NAALADL1: variants seen among roughly 807,000 people sequenced by gnomAD.
The protein encoded by NAALADL1 is N-acetylated alpha-linked acidic dipeptidase like 1.
A neutral mutation model predicts 82.8 loss-of-function variants in NAALADL1; 77 were observed. The observed-to-expected ratio is 0.93, with a 90% CI of 0.77 to 1.12. The LOEUF is 1.12. Ranked by LOEUF, NAALADL1 falls within the 50% of genes most tolerant of loss-of-function variation. The pLI is 0.00. For missense variants in NAALADL1, 956 were observed against 964.0 expected, an observed-to-expected ratio of 0.99 and a Z score of 0.11; for synonymous variants, 358 against 399.2, an observed-to-expected ratio of 0.90 and a Z score of 1.23.
In NAALADL1 at chr11:65,054,496, A is replaced by T. The variant is rs755042483; in HGVS notation, c.846T>A (p.Pro282=). ...LANVSGFPPI[P]TQPIGFQDAR... is the part of the protein sequence containing the mutation. ...CATCCTGGAAGCCAATGGGCTGTGT[A>T]GGAATTGGGGGAAATCCGGAGACAT... The change falls in exon 5 of 18, where the codon CCT becomes CCA. Residue 282 remains proline (P), a synonymous_variant. Transcript: ENST00000358658. This position sits in a 1 kb window ranked among gnomAD's most constrained non-coding sequence, Gnocchi z 4.3. 5 of 1,614,124 alleles carry T rather than the reference A, an allele frequency of 3.1e-6. No individual in the cohort carries two copies. The highest frequency in any genetic ancestry group is 4.2e-6 in the Non-Finnish European group (5 of 1,180,014).
At chr11:65,048,438 G>C in intron 8 of NAALADL1, 53 bp from the exon 9 acceptor site, 1 of 1,594,292 alleles carries the variant, frequency 6.3e-7, no homozygotes, top group Non-Finnish European at 8.6e-7. Flanking sequence ...ATCCTAGGGT[G>C]CCTTAGGAGA....
chr11:65,054,463 G>A lies in NAALADL1; in HGVS notation c.879C>T (p.Asp293=). ...TQPIGFQDAR[D]LLCNLNGTLA... ...CCAGGGCACAAACTCACCAGAGCAG[G>A]TCTCTTGCATCCTGGAAGCCAATGG... The change falls in exon 5 of 18, where the codon GAC becomes GAT. Residue 293 remains aspartate (D), a synonymous_variant. Transcript: ENST00000358658. This position sits in a 1 kb window ranked among gnomAD's most constrained non-coding sequence, Gnocchi z 4.3. The A allele has an allele frequency of 6.2e-7, 1 of 1,614,114 alleles. No individual in the cohort carries two copies. The highest frequency in any genetic ancestry group is 8.5e-7 in the Non-Finnish European group (1 of 1,180,018).
intron 8 of NAALADL1, among the ~76,000 whole-genome samples, chr11:65,052,681 A>G (rs1279166511): frequency 1.3e-5 from 2 of 151,530 alleles, no homozygotes; most frequent in Non-Finnish European, 2.9e-5. Context: ...GCTTCCCACA[A>G]CCCTTGGACT....
In NAALADL1 at chr11:65,046,058, G is replaced by A. The variant is rs201911173; in HGVS notation, c.1912C>T (p.Arg638Cys). ...FEAEAAALGQ[R>C]ISTLQKGSPD... ...CTGCCCTTCTGCAGTGTTGATATGCGTTGGCCCAAGGCTGCAGCTTCTGCC... is the reference window on the plus strand; with the variant it reads ...CTGCCCTTCTGCAGTGTTGATATGCATTGGCCCAAGGCTGCAGCTTCTGCC... Residue 638 changes from arginine (R) to cysteine (C), a missense_variant, in exon 16 of 18, where the codon CGC (arginine) becomes TGC (cysteine). Transcript: ENST00000358658. 1.1e-4 allele frequency: 172 copies of A among 1,613,900 alleles called. No homozygotes were observed. Among genetic ancestry groups the A allele is most frequent in the Non-Finnish European group, 1.3e-4 (158 of 1,180,014 alleles).
rs377702094 is a variant in NAALADL1, at chr11:65,047,631, C to T, written c.1508+16G>A. On this transcript the variant is annotated intron_variant, in intron 12 of 17. Coordinates refer to ENST00000358658, the MANE Select transcript of NAALADL1 (RefSeq NM_005468.3). ...GGACCGCCTCGCTCCGGGCCCCCTT[C>T]TGTCCCTGGGCTTACCTGGGGACCA... The T allele has an allele frequency of 6.3e-7, 1 of 1,595,694 alleles. No individual in the cohort carries two copies. The highest frequency in any genetic ancestry group is 8.5e-7 in the Non-Finnish European group (1 of 1,172,360).
In NAALADL1 at chr11:65,053,611, C is replaced by T. The variant is rs2137014714; in HGVS notation, c.993-35G>A. 6.5e-7 allele frequency: 1 copy of T among 1,542,322 alleles called. No homozygotes were observed. The highest frequency in any genetic ancestry group is 8.8e-7 in the Non-Finnish European group (1 of 1,138,674). ...GTGAAGGGTGTGAGAAGACTCTTGGCCTTGCCCACTGCCCCCGACCCAGTG... is the reference window on the plus strand; with the variant it reads ...GTGAAGGGTGTGAGAAGACTCTTGGTCTTGCCCACTGCCCCCGACCCAGTG... On this transcript the variant is annotated intron_variant, in intron 6 of 17. Coordinates refer to ENST00000358658, the MANE Select transcript of NAALADL1 (RefSeq NM_005468.3). The surrounding 1 kb of genome is among the most constrained non-coding windows in gnomAD (Gnocchi z 4.3).
Position 65,053,552 on chromosome 11 carries a change from G to A in NAALADL1, c.1017C>T (p.Asn339=), listed in dbSNP as rs1284000972. The part of the protein sequence containing the change: ...ADSQVNVSVY[N]RLELRNSSNV... Reference sequence around the variant, plus strand: ...TGGAAGAGTTCCTCAGCTCCAGGCGGTTGTAGACGCTCACATTCACCTGGC... The same window carrying A: ...TGGAAGAGTTCCTCAGCTCCAGGCGATTGTAGACGCTCACATTCACCTGGC... The change falls in exon 7 of 18, where the codon AAC becomes AAT. Residue 339 remains asparagine, a synonymous_variant. Coordinates refer to ENST00000358658, the MANE Select transcript of NAALADL1 (RefSeq NM_005468.3). The surrounding 1 kb of genome is among the most constrained non-coding windows in gnomAD (Gnocchi z 4.3). 6 of 1,607,934 alleles carry A rather than the reference G, an allele frequency of 3.7e-6. No homozygotes were observed. Among genetic ancestry groups the A allele is most frequent in the South Asian group, 1.1e-5 (1 of 90,388 alleles).
chr11:65,054,473 T>G lies in NAALADL1; in HGVS notation c.869A>C (p.Asp290Ala). The change falls in exon 5 of 18, where the codon GAT becomes GCT. Residue 290 changes from aspartate to alanine, a missense_variant. Asp to Ala is a moderately radical substitution (Grantham distance 126). Coordinates refer to ENST00000358658, the MANE Select transcript of NAALADL1 (RefSeq NM_005468.3). This position sits in a 1 kb window ranked among gnomAD's most constrained non-coding sequence, Gnocchi z 4.3. ...AACTCACCAGAGCAGGTCTCTTGCATCCTGGAAGCCAATGGGCTGTGTAGG... is the reference window on the plus strand; with the variant it reads ...AACTCACCAGAGCAGGTCTCTTGCAGCCTGGAAGCCAATGGGCTGTGTAGG... ...PIPTQPIGFQDARDLLCNLNG... is the reference protein window; with the variant it reads ...PIPTQPIGFQAARDLLCNLNG... 6.2e-7 allele frequency: 1 copy of G among 1,614,016 alleles called. No homozygotes were observed. The highest frequency in any genetic ancestry group is 8.5e-7 in the Non-Finnish European group (1 of 1,180,002).
At chr11:65,047,200 A>T (rs1946752937) in intron 13 of NAALADL1, among the ~76,000 whole-genome samples, 1 of 152,172 alleles carries the variant, frequency 6.6e-6, no homozygotes. Flanking sequence ...CCGGGCACCA[A>T]GGCTCACACC....
chr11:65,049,548 T>C (rs922108135), intron 8 of NAALADL1, among the ~76,000 whole-genome samples: 1 of 152,130 alleles, frequency 6.6e-6, no homozygotes, highest in Non-Finnish European at 1.5e-5. Context: ...TGATCCTGGA[T>C]TGGAGCTTGG....
In NAALADL1 at chr11:65,045,864, G is replaced by C. The variant is rs971022864; in HGVS notation, c.1994C>G (p.Thr665Ser). The change falls in exon 17 of 18, where the codon ACC (threonine) becomes AGC (serine). Residue 665 changes from threonine (T) to serine (S), a missense_variant. Transcript: ENST00000358658. ...TGGGAAGGCTCTAGGGTTCAGAAAG[G>C]TCCGTTCCAAGAGCATCAACTGGTC... The part of the protein sequence containing the change: ...LNDQLMLLER[T>S]FLNPRAFPEE... 6.2e-7 allele frequency: 1 copy of C among 1,614,134 alleles called. No homozygotes were observed. Among genetic ancestry groups the C allele is most frequent in the Non-Finnish European group, 8.5e-7 (1 of 1,180,010 alleles).
At chr11:65,048,729 T>C (rs1230122089) in intron 8 of NAALADL1, among the ~76,000 whole-genome samples, 1 of 152,136 alleles carries the variant, frequency 6.6e-6, no homozygotes. Flanking sequence ...ACAGGAACAT[T>C]TCCTGTTAGG....
rs150271974 is a variant in NAALADL1 at position 65,046,228 on chromosome 11, C to A, written c.1816G>T (p.Asp606Tyr). Residue 606 changes from aspartate to tyrosine, a missense_variant, in exon 15 of 18, where the codon GAT becomes TAT. Asp to Tyr is a radical substitution (Grantham distance 160). Coordinates refer to ENST00000358658, the MANE Select transcript of NAALADL1 (RefSeq NM_005468.3). ...TGCTGCTCCAGCAGGGCCCCAAGAT[C>A]TTGCTGGGCTGCCTGCAGGAAGCTG... ...LRSFLQAAQQDLGALLEQHSI... is the reference protein window; with the variant it reads ...LRSFLQAAQQYLGALLEQHSI... The A allele has an allele frequency of 1.9e-6, 3 of 1,614,030 alleles. No individual in the cohort carries two copies. The African/African-American group carries it at 4.0e-5, about 22-fold the overall frequency.
At chr11:65,059,557 GC>G (rs1185956563), upstream of NAALADL1, among the ~76,000 whole-genome samples, 1 of 152,206 alleles carries the variant, frequency 6.6e-6, no homozygotes, top group Admixed American at 6.5e-5. Context: ...AGCAGGGGAA[GC>G]CCATGCCTCC....
chr11:65,049,556 T>C (rs1946831109), intron 8 of NAALADL1, among the ~76,000 whole-genome samples: 2 of 152,098 alleles, frequency 1.3e-5, no homozygotes, highest in Admixed American at 1.3e-4. Flanking sequence ...GATTGGAGCT[T>C]GGGCCAAAAA....
Position 65,054,418 on chromosome 11 carries a change from C to T in NAALADL1, c.887+37G>A. The T allele has an allele frequency of 6.2e-7, 1 of 1,612,398 alleles. No individual in the cohort carries two copies. Among genetic ancestry groups the T allele is most frequent in the East Asian group, 2.2e-5 (1 of 44,822 alleles). ...TGTGGGGCTTGAAGTCTGGAGGCCA[C>T]TGGGGCTGGGCAGGACACCCCAGGG... On this transcript the variant is annotated intron_variant, in intron 5 of 17. Transcript: ENST00000358658. The surrounding 1 kb of genome is among the most constrained non-coding windows in gnomAD (Gnocchi z 4.3).
chr11:65,047,781 A>G (rs1223120706), intron 11 of NAALADL1, 43 bp from the exon 12 acceptor site: 2 of 1,550,702 alleles, frequency 1.3e-6, no homozygotes, highest in Admixed American at 3.9e-5. Context: ...GGCCCTCCCC[A>G]GCCCCAACAA....
At chr11:65,056,710 GC>G (rs1275269488) in intron 4 of NAALADL1, among the ~76,000 whole-genome samples, 2 of 130,032 alleles carry the variant, frequency 1.5e-5, no homozygotes, top group Non-Finnish European at 3.2e-5. Flanking sequence ...CCCATGCCCA[GC>G]CTTTTTTTTT....
chr11:65,048,243 C>T (rs759828642), intron 9 of NAALADL1, 28 bp from the exon 10 acceptor site: 3 of 1,614,146 alleles, frequency 1.9e-6, no homozygotes, highest in Non-Finnish European at 2.5e-6. Context: ...GACGTCAGCC[C>T]CGCGCCGTTC....
Sources: gnomAD v4.1 joint callset for allele counts (sites outside exome capture counted in the v4.1 genomes callset) on GRCh38, gnomAD v4.1.1 for gene constraint, Gnocchi (gnomAD v3.1) non-coding constraint, MANE v1.5 for transcripts, NCBI Gene and HGNC (gene_info 2026-07-23, HGNC 2026-07-21) for gene names.